BCL9: variants seen among roughly 807,000 people sequenced by gnomAD.
BCL9 encodes B-cell CLL/lymphoma 9 protein.
BCL9 carries 25 observed loss-of-function variants against 88.5 expected under a neutral mutation model. The observed-to-expected ratio is 0.28, with a 90% CI of 0.21 to 0.39. The LOEUF is 0.39. BCL9 is among the 10% of genes least tolerant of loss of function. The probability of loss-of-function intolerance (pLI) is 1.00; values close to 1 mark genes in which losing one functional copy is unlikely to be tolerated. For missense variants in BCL9, 1,817 were observed against 1,877.8 expected, an observed-to-expected ratio of 0.97 and a Z score of 0.60; for synonymous variants, 711 against 673.3, an observed-to-expected ratio of 1.06 and a Z score of -0.87.
intron 2 of BCL9, among the ~76,000 whole-genome samples, chr1:147,606,099 G>T (rs1487380506): frequency 6.6e-6 from 1 of 152,112 alleles, no homozygotes; most frequent in Non-Finnish European, 1.5e-5. Flanking sequence ...TAAATTCTGG[G>T]CAAAGAGGGA....
At position 147,620,256 on chromosome 1, in the gene BCL9, A is replaced by G; in HGVS notation, c.2101A>G (p.Met701Val). The G allele has an allele frequency of 1.2e-6, 2 of 1,614,126 alleles. No individual in the cohort carries two copies. Among genetic ancestry groups the G allele is most frequent in the Non-Finnish European group, 1.7e-6 (2 of 1,179,966 alleles). ...GDFPKGIPPQ[M>V]GPGRELEFGM... ...CTTTCCAAAAGGAATTCCCCCACAG[A>G]TGGGCCCTGGTCGGGAACTTGAGTT... The change falls in exon 8 of 10, where the codon ATG becomes GTG. Residue 701 changes from methionine (M) to valine (V), a missense_variant. Met to Val is a conservative substitution (Grantham distance 21). Coordinates refer to ENST00000234739, the MANE Select transcript of BCL9 (RefSeq NM_004326.4).
At chr1:147,550,513 C>T (rs587722849) in intron 1 of BCL9, among the ~76,000 whole-genome samples, 10 of 152,144 alleles carry the variant, frequency 6.6e-5, no homozygotes, top group African/African-American at 2.4e-4. Context: ...AGATGAGTGA[C>T]GTCATTTCAT....
rs782805714 is a variant in BCL9, at chr1:147,619,539, C to T, written c.1384C>T (p.Leu462Phe). 1.9e-6 allele frequency: 3 copies of T among 1,614,144 alleles called. No homozygotes were observed. The East Asian group carries it at 6.7e-5, about 36-fold the overall frequency. The part of the protein sequence containing the change: ...SQSGTIGPDH[L>F]DHMTPEQIAW... ...GTCTGGGACCATAGGACCCGACCAC[C>T]TTGACCATATGACTCCCGAGCAGAT... The change falls in exon 8 of 10, where the codon CTT becomes TTT. Residue 462 changes from leucine (L) to phenylalanine (F), a missense_variant. Physicochemically the swap from Leu to Phe is conservative, Grantham distance 22. Coordinates refer to ENST00000234739, the MANE Select transcript of BCL9 (RefSeq NM_004326.4). This position sits in a 1 kb window ranked among gnomAD's most constrained non-coding sequence, Gnocchi z 4.1.
intron 7 of BCL9, 107 bp from the exon 8 acceptor site, chr1:147,618,709 G>A (rs1340815243): frequency 1.8e-6 from 2 of 1,131,934 alleles, no homozygotes; most frequent in East Asian, 2.8e-5. Context: ...GCCAGTGTCA[G>A]TTAGATTTAT....
chr1:147,619,607 G>T lies in BCL9; in HGVS notation c.1452G>T (p.Arg484Ser). ...KLQQEFYEEKRRKQEQVVVQQ... is the reference protein window; with the variant it reads ...KLQQEFYEEKSRKQEQVVVQQ... ...AGCAGGAGTTTTATGAAGAGAAGAGGAGGAAGCAGGAACAAGTGGTTGTCC... is the reference window on the plus strand; with the variant it reads ...AGCAGGAGTTTTATGAAGAGAAGAGTAGGAAGCAGGAACAAGTGGTTGTCC... Residue 484 changes from arginine to serine, a missense_variant, in exon 8 of 10, where the codon AGG becomes AGT. Around this residue, in one of 2 missense-constraint regions of BCL9, gnomAD observed 1,228 missense variants for 1,191.6 expected, o/e 1.03. Transcript: ENST00000234739. The surrounding 1 kb of genome is among the most constrained non-coding windows in gnomAD (Gnocchi z 4.1). 6.2e-7 allele frequency: 1 copy of T among 1,614,114 alleles called. No individual in the cohort carries two copies. Among genetic ancestry groups the T allele is most frequent in the African/African-American group, 1.3e-5 (1 of 75,018 alleles).
At chr1:147,558,166 A>C (rs2101491176) in intron 1 of BCL9, among the ~76,000 whole-genome samples, 1 of 152,308 alleles carries the variant, frequency 6.6e-6, no homozygotes, top group East Asian at 1.9e-4. Context: ...GTAGATGAAA[A>C]AAGTGAGGCT....
chr1:147,593,112 C>A (rs1415425409), intron 1 of BCL9, among the ~76,000 whole-genome samples: 5 of 152,130 alleles, frequency 3.3e-5, no homozygotes, highest in African/African-American at 1.2e-4. Flanking sequence ...AGGTGCTGTC[C>A]CTGTTGTGTG....
intron 1 of BCL9, among the ~76,000 whole-genome samples, chr1:147,549,310 T>C (rs1285709387): frequency 6.6e-6 from 1 of 152,160 alleles, no homozygotes; most frequent in Non-Finnish European, 1.5e-5. Flanking sequence ...TTTTTCCCCC[T>C]AAAGCTTTTG....
chr1:147,561,804 C>G (rs78296887), intron 1 of BCL9, among the ~76,000 whole-genome samples: 1,893 of 152,288 alleles, frequency 0.012, 21 homozygotes, highest in East Asian at 0.056. Flanking sequence ...ATGGGAGGTT[C>G]ACATCTAGTC....
intron 1 of BCL9, among the ~76,000 whole-genome samples, chr1:147,558,775 T>A (rs1178927633): frequency 2.0e-5 from 3 of 152,240 alleles, no homozygotes; most frequent in Non-Finnish European, 4.4e-5. Context: ...CTGAATGCAC[T>A]TCAGTTTGTC....
intron 1 of BCL9, among the ~76,000 whole-genome samples, chr1:147,552,083 A>G (rs1553194865): frequency 6.6e-6 from 1 of 152,168 alleles, no homozygotes; most frequent in Non-Finnish European, 1.5e-5. Flanking sequence ...CTAATTATAA[A>G]GCATATACCA....
chr1:147,549,000 T>G (rs1470782195), intron 1 of BCL9, among the ~76,000 whole-genome samples: 1 of 127,052 alleles, frequency 7.9e-6, no homozygotes, highest in Admixed American at 7.8e-5. Flanking sequence ...TTTTTTTGAC[T>G]GAGTTTTGCT....
Position 147,611,613 on chromosome 1 carries a change from A to C in BCL9, c.-224A>C. 1.8e-6 allele frequency: 1 copy of C among 558,106 alleles called. No individual in the cohort carries two copies. Among genetic ancestry groups the C allele is most frequent in the Non-Finnish European group, 3.2e-6 (1 of 307,748 alleles). 34.6% of individuals were successfully genotyped at this position (558,106 alleles called of 1,614,324 possible). On this transcript the variant is annotated 5_prime_UTR_variant, in exon 4 of 10. Coordinates refer to ENST00000234739, the MANE Select transcript of BCL9 (RefSeq NM_004326.4). ...AGATGCGAGATTTTCCTCTGGCAGCAGGAGGCACGCACCCAGAGAATGCTG... is the reference window on the plus strand; with the variant it reads ...AGATGCGAGATTTTCCTCTGGCAGCCGGAGGCACGCACCCAGAGAATGCTG...
rs1361347650 is a variant in BCL9, at chr1:147,615,834, G to A, written c.592G>A (p.Glu198Lys). ...AAEAVLKGQV[E>K]TIVSFHIQNI... ...AGAAGCTGTTTTGAAGGGCCAGGTT[G>A]AAACTATCGTCTCTTTCCACATCCA... The change falls in exon 7 of 10, where the codon GAA (glutamate) becomes AAA (lysine). Residue 198 changes from glutamate (E) to lysine (K), a missense_variant. Around this residue, in one of 2 missense-constraint regions of BCL9, gnomAD observed 1,228 missense variants for 1,191.6 expected, o/e 1.03. Coordinates refer to ENST00000234739, the MANE Select transcript of BCL9 (RefSeq NM_004326.4). 5 of 1,614,058 alleles carry A rather than the reference G, an allele frequency of 3.1e-6. No individual in the cohort carries two copies. In the African/African-American group the frequency reaches 6.7e-5, roughly 22 times the overall value.
At position 147,603,864 on chromosome 1, in the gene BCL9, A is replaced by G. The variant is rs587602380; in HGVS notation, c.-477-913A>G. ...ATGTGCTCCTTTGGCAATCTAGTGA[A>G]ACAGAGGACCCCCTTCTGAGAACGT... On this transcript the variant is annotated intron_variant, in intron 1 of 9. Coordinates refer to ENST00000234739, the MANE Select transcript of BCL9 (RefSeq NM_004326.4). Among the ~76,000 whole-genome samples the G allele has an allele frequency of 5.9e-5, 9 of 152,256 alleles. No homozygotes were observed. The South Asian group carries it at 1.9e-3, about 32-fold the overall frequency.
intron 1 of BCL9, among the ~76,000 whole-genome samples, chr1:147,550,217 G>C (rs893850379): frequency 6.6e-6 from 1 of 152,170 alleles, no homozygotes; most frequent in Admixed American, 6.5e-5. Context: ...GGTAAAGGGA[G>C]ATGGGTAGGG....
rs782313631 is a variant in BCL9 at position 147,624,937 on chromosome 1, A to C, written c.4259A>C (p.Asn1420Thr). Reference sequence around the variant, plus strand: ...GGTGGATTTAGCCAAGGACCTGGCAACCCAGGAAACATGATGTTTTAAGCT... The same window carrying C: ...GGTGGATTTAGCCAAGGACCTGGCACCCCAGGAAACATGATGTTTTAAGCT... Reference protein sequence around the residue: ...GMGGFSQGPGNPGNMMF With the variant: ...GMGGFSQGPGTPGNMMF Residue 1420 changes from asparagine to threonine, a missense_variant, in exon 10 of 10, where the codon AAC (asparagine) becomes ACC (threonine). Around this residue, in one of 2 missense-constraint regions of BCL9, gnomAD observed 589 missense variants for 686.2 expected, o/e 0.86. Coordinates refer to ENST00000234739, the MANE Select transcript of BCL9 (RefSeq NM_004326.4). This position sits in a 1 kb window ranked among gnomAD's most constrained non-coding sequence, Gnocchi z 4.4. 1.3e-5 allele frequency: 21 copies of C among 1,609,104 alleles called. No homozygotes were observed. In the South Asian group the frequency reaches 1.4e-4, roughly 11 times the overall value.
At position 147,603,052 on chromosome 1, in the gene BCL9, A is replaced by G. The variant is rs115040112; in HGVS notation, c.-477-1725A>G. Among the ~76,000 whole-genome samples, 681 of 152,340 alleles carry G rather than the reference A, an allele frequency of 4.5e-3. 5 individuals are homozygous for G. The highest frequency in any genetic ancestry group is 0.016 in the African/African-American group (650 of 41,574). On this transcript the variant is annotated intron_variant, in intron 1 of 9. Coordinates refer to ENST00000234739, the MANE Select transcript of BCL9 (RefSeq NM_004326.4). ...GCCTAACAGGTTAATGCCTAACTGC[A>G]AAGTGCTCTGAACATCTCTTAGAAT...
intron 1 of BCL9, among the ~76,000 whole-genome samples, chr1:147,598,416 G>T (rs1657148432): frequency 6.6e-6 from 1 of 152,138 alleles, no homozygotes; most frequent in Non-Finnish European, 1.5e-5. Context: ...CAGGGGAGGC[G>T]GCTATGGTAA....
Sources: gnomAD v4.1 joint callset for allele counts (sites outside exome capture counted in the v4.1 genomes callset) on GRCh38, gnomAD v4.1.1 for gene constraint, gnomAD v4.1.1 regional missense constraint, Gnocchi (gnomAD v3.1) non-coding constraint, MANE v1.5 for transcripts, NCBI Gene and HGNC (gene_info 2026-07-23, HGNC 2026-07-21) for gene names.